Variants in MARCHF5 observed in about 807,000 individuals in gnomAD.
MARCHF5 encodes E3 ubiquitin-protein ligase MARCHF5.
In MARCHF5, 5 loss-of-function variants were observed where a neutral mutation model predicts 36.5. The observed-to-expected ratio is 0.14, with a 90% CI of 0.07 to 0.29. The LOEUF is 0.29. Ranked by LOEUF, MARCHF5 falls within the 10% of genes least tolerant of loss-of-function variation. The probability of loss-of-function intolerance (pLI) is 1.00; values close to 1 mark genes in which losing one functional copy is unlikely to be tolerated. For missense variants in MARCHF5, 179 were observed against 336.3 expected, an observed-to-expected ratio of 0.53 and a Z score of 3.66; for synonymous variants, 103 against 109.9, an observed-to-expected ratio of 0.94 and a Z score of 0.39.
chr10:92,316,542 A>G (rs1843211977), intron 2 of MARCHF5, among the ~76,000 whole-genome samples: 2 of 151,972 alleles, frequency 1.3e-5, no homozygotes, highest in South Asian at 4.2e-4. Flanking sequence ...CCCCACTTTT[A>G]CTGAATAGAA....
chr10:92,328,821 A>AT (rs34713388), intron 2 of MARCHF5, among the ~76,000 whole-genome samples: 25,289 of 122,004 alleles, frequency 0.21, 3,244 homozygotes, highest in Middle Eastern at 0.28. Flanking sequence ...ATATATATAT[A>AT]TTTTTTTTTT....
chr10:92,347,861 A>G (rs145559236), intron 3 of MARCHF5, among the ~76,000 whole-genome samples: 4 of 152,254 alleles, frequency 2.6e-5, no homozygotes, highest in Non-Finnish European at 4.4e-5. Context: ...CCATAGCTCA[A>G]ATTTGGTCCT....
intron 2 of MARCHF5, among the ~76,000 whole-genome samples, chr10:92,314,757 C>CGG: frequency 1.6e-5 from 2 of 122,418 alleles, no homozygotes; most frequent in South Asian, 5.5e-4. Flanking sequence ...CGCCCCCCCC[C>CGG]GCCAATAGAG....
rs543803989 is a variant in MARCHF5, at chr10:92,325,283, CA to C, written c.238+13948del. Among the ~76,000 whole-genome samples the C allele has an allele frequency of 6.1e-3, 932 of 152,296 alleles. 6 individuals carry two copies. Among genetic ancestry groups the C allele is most frequent in the Non-Finnish European group, 8.6e-3 (585 of 68,020 alleles). On this transcript the variant is annotated intron_variant, in intron 2 of 5. Coordinates refer to ENST00000358935, the MANE Select transcript of MARCHF5 (RefSeq NM_017824.5). ...GCCTGAGCCCAAGAGTTCCAGACTGCAACGAGCTGTTATTGCACTGCTGCAC... is the reference window on the plus strand; with the variant it reads ...GCCTGAGCCCAAGAGTTCCAGACTGCACGAGCTGTTATTGCACTGCTGCAC...
chr10:92,341,074 C>T (rs942817819), intron 3 of MARCHF5, among the ~76,000 whole-genome samples: 7 of 152,134 alleles, frequency 4.6e-5, no homozygotes, highest in African/African-American at 1.7e-4. Flanking sequence ...CATTTACTAA[C>T]CAACTTGTCT....
chr10:92,307,262 G>A (rs1843087175), intron 1 of MARCHF5, among the ~76,000 whole-genome samples: 1 of 150,714 alleles, frequency 6.6e-6, no homozygotes, highest in South Asian at 2.1e-4. Context: ...TAGCCCTTAA[G>A]ACTAGTCACA....
At chr10:92,307,948 T>TC (rs1368772496) in intron 1 of MARCHF5, among the ~76,000 whole-genome samples, 7 of 151,482 alleles carry the variant, frequency 4.6e-5, no homozygotes, top group Non-Finnish European at 7.4e-5. Context: ...TCCCCCCTTT[T>TC]TTTTTTTTTT....
At chr10:92,338,059 G>A (rs1843526285) in intron 2 of MARCHF5, among the ~76,000 whole-genome samples, 2 of 151,650 alleles carry the variant, frequency 1.3e-5, no homozygotes, top group African/African-American at 2.4e-5. Flanking sequence ...GCATGGTGGC[G>A]CACATCTGTG....
At chr10:92,303,657 A>G (rs943164624) in intron 1 of MARCHF5, among the ~76,000 whole-genome samples, 1 of 152,212 alleles carries the variant, frequency 6.6e-6, no homozygotes, top group South Asian at 2.1e-4. Context: ...GAGATCTTGA[A>G]TAATGTTAGA....
intron 1 of MARCHF5, among the ~76,000 whole-genome samples, chr10:92,293,279 T>C (rs142493277): frequency 0.015 from 2,211 of 152,110 alleles, 55 homozygotes; most frequent in African/African-American, 0.05. Context: ...TAATTTTTTG[T>C]ATTTTTATAG....
intron 2 of MARCHF5, among the ~76,000 whole-genome samples, chr10:92,318,999 G>A (rs1466001148): frequency 6.6e-6 from 1 of 152,132 alleles, no homozygotes; most frequent in Non-Finnish European, 1.5e-5. Flanking sequence ...GAGCCGCTGT[G>A]CCTGACGACT....
chr10:92,294,105 T>C (rs1365922285), intron 1 of MARCHF5, among the ~76,000 whole-genome samples: 1 of 152,166 alleles, frequency 6.6e-6, no homozygotes, highest in African/African-American at 2.4e-5. Flanking sequence ...ATTTTAAAGC[T>C]TTTTAAATGT....
At chr10:92,317,539 A>T (rs1273717957) in intron 2 of MARCHF5, among the ~76,000 whole-genome samples, 1 of 151,230 alleles carries the variant, frequency 6.6e-6, no homozygotes, top group East Asian at 1.9e-4. Context: ...TTGTTTTTAG[A>T]TTGTTTAAGT....
At chr10:92,309,780 A>G (rs950509828) in intron 1 of MARCHF5, among the ~76,000 whole-genome samples, 7 of 152,204 alleles carry the variant, frequency 4.6e-5, no homozygotes, top group African/African-American at 1.7e-4. Context: ...TTATACACCT[A>G]AAAAATGGCT....
intron 2 of MARCHF5, among the ~76,000 whole-genome samples, chr10:92,339,056 A>AT (rs1402729535): frequency 2.0e-5 from 3 of 151,424 alleles, no homozygotes; most frequent in Non-Finnish European, 2.9e-5. Context: ...AAAAAAAAAA[A>AT]ATTAAAAATT....
At chr10:92,331,409 T>C (rs760405109) in intron 2 of MARCHF5, among the ~76,000 whole-genome samples, 4 of 152,134 alleles carry the variant, frequency 2.6e-5, no homozygotes, top group Non-Finnish European at 4.4e-5. Flanking sequence ...TTTTAAAAAC[T>C]GTTTGTATCC....
chr10:92,303,511 A>G (rs1310105532), intron 1 of MARCHF5, among the ~76,000 whole-genome samples: 3 of 151,924 alleles, frequency 2.0e-5, no homozygotes, highest in African/African-American at 7.3e-5. Context: ...TTGGCACTTA[A>G]TGCTTGGTAT....
At chr10:92,328,877 T>A (rs1843403544) in intron 2 of MARCHF5, among the ~76,000 whole-genome samples, 1 of 149,910 alleles carries the variant, frequency 6.7e-6, no homozygotes, top group South Asian at 2.1e-4. Flanking sequence ...TCTTATTGCA[T>A]CACATCACAA....
At chr10:92,296,333 A>G (rs1403096989) in intron 1 of MARCHF5, among the ~76,000 whole-genome samples, 2 of 152,204 alleles carry the variant, frequency 1.3e-5, no homozygotes, top group Non-Finnish European at 2.9e-5. Context: ...TGTCACAAAT[A>G]TCATTTCCCT....
Sources: gnomAD v4.1 joint callset for allele counts (sites outside exome capture counted in the v4.1 genomes callset) on GRCh38, gnomAD v4.1.1 for gene constraint, MANE v1.5 for transcripts, NCBI Gene and HGNC (gene_info 2026-07-23, HGNC 2026-07-21) for gene names.